The following ZNF431 variants were observed in gnomAD, a reference collection of about 807,000 sequenced individuals.
ZNF431 encodes the protein zinc finger protein 431.
In ZNF431, 34 loss-of-function variants were observed where a neutral mutation model predicts 57.0. That is an observed-to-expected ratio of 0.60 (90% CI 0.45 to 0.79). ZNF431 has a LOEUF of 0.79. Ranked by LOEUF, ZNF431 falls within the 30% of genes least tolerant of loss-of-function variation. ZNF431 has a pLI of 0.00. For synonymous variants in ZNF431, 207 were observed against 220.3 expected, an observed-to-expected ratio of 0.94 and a Z score of 0.54; for missense variants, 607 against 667.1, an observed-to-expected ratio of 0.91 and a Z score of 0.99.
In ZNF431 at chr19:21,188,846, G is replaced by A. The variant is rs561571614; in HGVS notation, c.*4812G>A. 7 of 152,198 alleles carry A rather than the reference G, an allele frequency of 4.6e-5. No individual in the cohort carries two copies. In the South Asian group the frequency reaches 1.0e-3, roughly 23 times the overall value. 9.4% of individuals were successfully genotyped at this position (152,198 alleles called of 1,614,324 possible). The stretch of plus-strand genomic sequence containing the variant: ...CTGCTCTTTGAGTGTCTTTCATACC[G>A]TTACCATCAGCACCAGAAACTCCAG... On this transcript the variant is annotated 3_prime_UTR_variant, in exon 5 of 5. Coordinates refer to ENST00000311048, the MANE Select transcript of ZNF431 (RefSeq NM_133473.4).
At chr19:21,146,658 ACT>A (rs1970106488) in intron 2 of ZNF431, among the ~76,000 whole-genome samples, 1 of 151,976 alleles carries the variant, frequency 6.6e-6, no homozygotes, top group South Asian at 2.1e-4. Flanking sequence ...ATCAGAGGTC[ACT>A]CTCGTCACAT....
Position 21,143,482 on chromosome 19 carries a change from ATAT to A in ZNF431, c.4-68_4-66del. 3 of 1,237,052 alleles carry A rather than the reference ATAT, an allele frequency of 2.4e-6. No homozygotes were observed. In the South Asian group the frequency reaches 3.6e-5, roughly 15 times the overall value. The allele number at this position is 1,237,052 out of a possible 1,614,324, so 76.6% of individuals were successfully genotyped here. The stretch of plus-strand genomic sequence containing the variant: ...CAGTGCTGTCTGGGGATGAACTAAG[ATAT>A]CCACCGTGGTTATGTCAGCTAAAGT... On this transcript the variant is annotated intron_variant, in intron 1 of 4. Coordinates refer to ENST00000311048, the MANE Select transcript of ZNF431 (RefSeq NM_133473.4).
intron 4 of ZNF431, among the ~76,000 whole-genome samples, chr19:21,177,172 T>C (rs1971080484): frequency 6.6e-6 from 1 of 152,150 alleles, no homozygotes; most frequent in East Asian, 1.9e-4. Context: ...GGGTTTCACA[T>C]TTAAGTCTTT....
At position 21,183,183 on chromosome 19, in the gene ZNF431, G is replaced by A. The variant is rs1200619319; in HGVS notation, c.880G>A (p.Gly294Ser). 10 of 1,613,776 alleles carry A rather than the reference G, an allele frequency of 6.2e-6. No individual in the cohort carries two copies. The highest frequency in any genetic ancestry group is 1.7e-5 in the Admixed American group (1 of 59,990). Residue 294 changes from glycine (G) to serine (S), a missense_variant, in exon 5 of 5, where the codon GGC (glycine) becomes AGC (serine). Coordinates refer to ENST00000311048, the MANE Select transcript of ZNF431 (RefSeq NM_133473.4). ...GAAACCATATAGATGTGAAGAATGT[G>A]GCAAAGCCTTCAACCGGTCCTCACA... ...GEKPYRCEEC[G>S]KAFNRSSHLT...
intron 2 of ZNF431, among the ~76,000 whole-genome samples, chr19:21,148,060 A>T (rs1970154321): frequency 6.6e-6 from 1 of 150,750 alleles, no homozygotes; most frequent in African/African-American, 2.4e-5. Flanking sequence ...CTATGGCAGG[A>T]TCTCAGCTCA....
intron 2 of ZNF431, among the ~76,000 whole-genome samples, chr19:21,155,453 A>G (rs967536788): frequency 3.8e-4 from 58 of 152,248 alleles, no homozygotes; most frequent in Admixed American, 3.3e-4. Context: ...GTCAGGTAGC[A>G]TGATGCCTCC....
In ZNF431 at chr19:21,194,000, C is replaced by T. The variant is rs999975808; in HGVS notation, c.*9966C>T. On this transcript the variant is annotated 3_prime_UTR_variant, in exon 5 of 5. Transcript: ENST00000311048. ...CTAAACAATTCTATTTAACATAGTT[C>T]TGGAAGTGCTGGATAAATCTAACAA... is the stretch of plus-strand genomic sequence containing the variant. 29 of 25,314 alleles carry T rather than the reference C, an allele frequency of 1.1e-3. No individual in the cohort carries two copies. Among genetic ancestry groups the T allele is most frequent in the African/African-American group, 3.1e-3 (29 of 9,344 alleles). 1.6% of individuals were successfully genotyped at this position (25,314 alleles called of 1,614,324 possible).
intron 2 of ZNF431, among the ~76,000 whole-genome samples, chr19:21,156,763 ATCT>A (rs1197425367): frequency 2.0e-5 from 3 of 150,574 alleles, no homozygotes; most frequent in African/African-American, 7.3e-5. Flanking sequence ...TTTTTATTAA[ATCT>A]TCTATTTTAT....
intron 4 of ZNF431, among the ~76,000 whole-genome samples, chr19:21,173,301 G>T (rs1346481526): frequency 6.8e-6 from 1 of 147,028 alleles, no homozygotes; most frequent in African/African-American, 2.6e-5. Flanking sequence ...ATATAGCTTC[G>T]TAAGAGTGGG....
At chr19:21,155,078 G>C (rs1041621622) in intron 2 of ZNF431, among the ~76,000 whole-genome samples, 5 of 152,146 alleles carry the variant, frequency 3.3e-5, no homozygotes, top group Non-Finnish European at 7.4e-5. Context: ...TGGTGTTTTA[G>C]ACATGAAGTC....
intron 2 of ZNF431, among the ~76,000 whole-genome samples, chr19:21,144,447 G>C (rs1400066845): frequency 3.3e-5 from 5 of 151,874 alleles, no homozygotes; most frequent in African/African-American, 1.2e-4. Flanking sequence ...CAGATGATCT[G>C]CCTGCCTCAG....
chr19:21,176,080 A>G (rs1971043510), intron 4 of ZNF431, among the ~76,000 whole-genome samples: 3 of 152,142 alleles, frequency 2.0e-5, no homozygotes, highest in Non-Finnish European at 2.9e-5. Flanking sequence ...TAGCCTCCCC[A>G]CCATCTGTTA....
chr19:21,142,299 C>A (rs1401439747), intron 1 of ZNF431, 113 bp downstream of exon 1: 2 of 1,451,866 alleles, frequency 1.4e-6, no homozygotes, highest in East Asian at 2.3e-5. Flanking sequence ...AGTCTGCGCC[C>A]CGAGTTCTCC....
At chr19:21,161,750 T>C (rs1464883863) in intron 2 of ZNF431, among the ~76,000 whole-genome samples, 1 of 152,016 alleles carries the variant, frequency 6.6e-6, no homozygotes, top group African/African-American at 2.4e-5. Context: ...ACCTCCCTGG[T>C]TCAAGTGATT....
At chr19:21,171,789 C>T (rs1434377399) in intron 4 of ZNF431, among the ~76,000 whole-genome samples, 1 of 143,350 alleles carries the variant, frequency 7.0e-6, no homozygotes, top group African/African-American at 2.6e-5. Flanking sequence ...GGCACAATCT[C>T]GGCTCACGGC....
At chr19:21,181,456 A>G (rs772637395) in intron 4 of ZNF431, among the ~76,000 whole-genome samples, 3 of 152,112 alleles carry the variant, frequency 2.0e-5, no homozygotes, top group Non-Finnish European at 2.9e-5. Flanking sequence ...TTCACCGGCT[A>G]TCTCATAAGA....
At position 21,142,072 on chromosome 19, in the gene ZNF431, C is replaced by G. The variant is rs770280749; in HGVS notation, c.-112C>G. 2 of 1,429,834 alleles carry G rather than the reference C, an allele frequency of 1.4e-6. No homozygotes were observed. The highest frequency in any genetic ancestry group is 1.4e-5 in the African/African-American group (1 of 71,444). 88.6% of individuals were successfully genotyped at this position (1,429,834 alleles called of 1,614,324 possible). A position where few individuals can be genotyped will look rare whatever the true frequency, so the allele number is the denominator to read the frequency against. Reference sequence around the variant, plus strand: ...GCCGCAGCCTGAGCTCCAGGTCTCCCCTTCGCTGCTCTGTGTCCTCTGCTC... The same window carrying G: ...GCCGCAGCCTGAGCTCCAGGTCTCCGCTTCGCTGCTCTGTGTCCTCTGCTC... On this transcript the variant is annotated 5_prime_UTR_variant, in exon 1 of 5. Coordinates refer to ENST00000311048, the MANE Select transcript of ZNF431 (RefSeq NM_133473.4).
At position 21,183,251 on chromosome 19, in the gene ZNF431, C is replaced by T; in HGVS notation, c.948C>T (p.Tyr316=). 6.2e-7 allele frequency: 1 copy of T among 1,614,052 alleles called. No homozygotes were observed. Among genetic ancestry groups the T allele is most frequent in the Non-Finnish European group, 8.5e-7 (1 of 1,179,972 alleles). ...HKIIHTGEKP[Y]KCEECGKAFN... Reference sequence around the variant, plus strand: ...TAATTCATACTGGAGAGAAGCCCTACAAATGTGAAGAATGTGGCAAAGCTT... The same window carrying T: ...TAATTCATACTGGAGAGAAGCCCTATAAATGTGAAGAATGTGGCAAAGCTT... Residue 316 remains tyrosine, a synonymous_variant, in exon 5 of 5, where the codon TAC becomes TAT. Transcript: ENST00000311048.
chr19:21,150,078 C>A, intron 2 of ZNF431: 1 of 637,348 alleles, frequency 1.6e-6, no homozygotes, highest in East Asian at 3.5e-5. Flanking sequence ...CCTTTGTCAG[C>A]AGCTTTCTTC....
Sources: allele counts gnomAD v4.1 joint callset (sites outside exome capture counted in the v4.1 genomes callset), GRCh38; gene constraint gnomAD v4.1.1; transcripts MANE v1.5; gene names NCBI Gene and HGNC (gene_info 2026-07-23, HGNC 2026-07-21).